UBE2L3: variants seen among roughly 807,000 people sequenced by gnomAD.
The protein encoded by UBE2L3 is ubiquitin-conjugating enzyme E2 L3.
UBE2L3 carries 1 observed loss-of-function variant against 17.8 expected under a neutral mutation model. The observed-to-expected ratio is 0.06, with a 90% CI of 0.02 to 0.27. UBE2L3 has a LOEUF of 0.27. Among genes scored for constraint, UBE2L3 ranks in the 10% least tolerant of loss-of-function variants. The pLI is 1.00. For missense variants in UBE2L3, 40 were observed against 192.6 expected (o/e 0.21, Z 4.69); for synonymous variants, 44 against 68.5 (o/e 0.64, Z 1.76).
chr22:21,621,938 C>A lies in UBE2L3; in HGVS notation c.*269C>A. The A allele has an allele frequency of 2.7e-6, 1 of 374,344 alleles. No homozygotes were observed. Among genetic ancestry groups the A allele is most frequent in the Non-Finnish European group, 4.7e-6 (1 of 210,986 alleles). The allele number at this position is 374,344 out of a possible 1,614,324, so 23.2% of individuals were successfully genotyped here. The stretch of plus-strand genomic sequence containing the variant: ...ACTTCAAAAGAATGGTGTTTCTTTT[C>A]TTGTCCAATTTTATCCAAAATCTTC... On this transcript the variant is annotated 3_prime_UTR_variant, in exon 4 of 4. Transcript: ENST00000342192.
At chr22:21,559,241 G>A (rs1350448889) in intron 1 of UBE2L3, among the ~76,000 whole-genome samples, 56 of 152,274 alleles carry the variant, frequency 3.7e-4, no homozygotes, top group African/African-American at 1.2e-3. Flanking sequence ...CCAGCTACTC[G>A]GGAGGCTGAG....
chr22:21,578,974 TTTATTTATTTATTTA>T (rs1927475680), intron 1 of UBE2L3, among the ~76,000 whole-genome samples: 2 of 145,390 alleles, frequency 1.4e-5, no homozygotes, highest in Non-Finnish European at 3.0e-5. Flanking sequence ...TATTTATTTA[TTTATTTATTTATTTA>T]TTTATTTATT....
At chr22:21,578,962 A>ATTATTTATTTAT (rs201411923) in intron 1 of UBE2L3, among the ~76,000 whole-genome samples, 75 of 148,072 alleles carry the variant, frequency 5.1e-4, no homozygotes, top group African/African-American at 1.6e-3. Context: ...AGCTAAGTGT[A>ATTATTTATTTAT]TTATTTATTT....
At chr22:21,579,777 A>C (rs560430918) in intron 1 of UBE2L3, among the ~76,000 whole-genome samples, 3 of 148,406 alleles carry the variant, frequency 2.0e-5, no homozygotes, top group Admixed American at 6.7e-5. Flanking sequence ...TCTCAGGGGG[A>C]AAAAAAAAAG....
chr22:21,621,692 C>T lies in UBE2L3; in HGVS notation c.*23C>T. 1 of 1,576,360 alleles carries T rather than the reference C, an allele frequency of 6.3e-7. No homozygotes were observed. Among genetic ancestry groups the T allele is most frequent in the East Asian group, 2.2e-5 (1 of 44,510 alleles). On this transcript the variant is annotated 3_prime_UTR_variant, in exon 4 of 4. Coordinates refer to ENST00000342192, the MANE Select transcript of UBE2L3 (RefSeq NM_003347.4). Reference sequence around the variant, plus strand: ...TAAAATCTGCCACGATTGGTTCCAGCAAGTGTGAGCAGAGACCCCGTGCAG... The same window carrying T: ...TAAAATCTGCCACGATTGGTTCCAGTAAGTGTGAGCAGAGACCCCGTGCAG...
intron 1 of UBE2L3, among the ~76,000 whole-genome samples, chr22:21,588,292 G>T (rs1019375545): frequency 1.3e-5 from 2 of 151,914 alleles, no homozygotes; most frequent in African/African-American, 4.8e-5. Context: ...ATTTACATTG[G>T]TTTCCTTCAA....
At chr22:21,562,730 C>T (rs1408385509), upstream of UBE2L3, among the ~76,000 whole-genome samples, 1 of 140,968 alleles carries the variant, frequency 7.1e-6, no homozygotes, top group East Asian at 2.2e-4. Context: ...TGTTCTCAAT[C>T]TCCTGACCTC....
In UBE2L3 at chr22:21,623,729, GTC is replaced by G. The variant is rs1436000705; in HGVS notation, c.*2065_*2066del. 6.5e-6 allele frequency: 1 copy of G among 152,894 alleles called. No individual in the cohort carries two copies. Among genetic ancestry groups the G allele is most frequent in the Non-Finnish European group, 1.5e-5 (1 of 68,132 alleles). The allele number at this position is 152,894 out of a possible 1,614,324, so 9.5% of individuals were successfully genotyped here. ...AGGCTTGGCTTTCGAGCCAGTGGGTGTCTCTCCTTTGGGCCTGGGCGGCTTGC... is the reference window on the plus strand; with the variant it reads ...AGGCTTGGCTTTCGAGCCAGTGGGTGTCTCCTTTGGGCCTGGGCGGCTTGC... On this transcript the variant is annotated 3_prime_UTR_variant, in exon 4 of 4. Coordinates refer to ENST00000342192, the MANE Select transcript of UBE2L3 (RefSeq NM_003347.4).
rs1338728565 is a variant in UBE2L3, at chr22:21,622,858, G to C, written c.*1189G>C. ...TCAAGCTCCACTTGAAGCTCACTCA[G>C]TAATATCCTTTCAATGTGTTTTATA... On this transcript the variant is annotated 3_prime_UTR_variant, in exon 4 of 4. Coordinates refer to ENST00000342192, the MANE Select transcript of UBE2L3 (RefSeq NM_003347.4). 1.3e-5 allele frequency: 2 copies of C among 152,780 alleles called. No individual in the cohort carries two copies. Among genetic ancestry groups the C allele is most frequent in the Non-Finnish European group, 2.9e-5 (2 of 68,036 alleles). The allele number at this position is 152,780 out of a possible 1,614,324, so 9.5% of individuals were successfully genotyped here. A position where few individuals can be genotyped will look rare whatever the true frequency, so the allele number is the denominator to read the frequency against.
At chr22:21,574,219 G>A (rs890571270) in intron 1 of UBE2L3, among the ~76,000 whole-genome samples, 1 of 152,192 alleles carries the variant, frequency 6.6e-6, no homozygotes, top group Non-Finnish European at 1.5e-5. Flanking sequence ...TCAGAGCAAA[G>A]CTGTTTAGAG....
intron 1 of UBE2L3, among the ~76,000 whole-genome samples, chr22:21,562,670 CTTT>C (rs131653): frequency 0.013 from 1,365 of 105,180 alleles, 5 homozygotes; most frequent in Middle Eastern, 0.019. Flanking sequence ...CACGCCTGGG[CTTT>C]TTTTTTTTTT....
At chr22:21,579,025 T>G (rs1403011287) in intron 1 of UBE2L3, among the ~76,000 whole-genome samples, 1 of 151,806 alleles carries the variant, frequency 6.6e-6, no homozygotes, top group Non-Finnish European at 1.5e-5. Context: ...AGTTTCACTC[T>G]TGTCACCCAG....
chr22:21,591,519 C>T (rs181341943), intron 1 of UBE2L3, among the ~76,000 whole-genome samples: 2 of 152,206 alleles, frequency 1.3e-5, no homozygotes, highest in Admixed American at 6.5e-5. Flanking sequence ...CTGGGCCGGG[C>T]GCCCAGCACA....
rs560981700 is a variant in UBE2L3, at chr22:21,590,954, T to C, written c.28-1907T>C. 3.1e-4 allele frequency among the ~76,000 whole-genome samples: 47 copies of C among 152,312 alleles called. No homozygotes were observed. In the East Asian group the frequency reaches 8.3e-3, roughly 27 times the overall value. On this transcript the variant is annotated intron_variant, in intron 1 of 3. Coordinates refer to ENST00000342192, the MANE Select transcript of UBE2L3 (RefSeq NM_003347.4). ...GACCAGGGCTTCCTGATCCCTGCCC[T>C]TGTTGAGCTTACATTCTATTTGGAG...
intron 1 of UBE2L3, among the ~76,000 whole-genome samples, chr22:21,582,694 T>C (rs564593271): frequency 6.6e-6 from 1 of 152,056 alleles, no homozygotes; most frequent in South Asian, 2.1e-4. Flanking sequence ...CCCAGTTAAT[T>C]TTTGTATTTT....
In UBE2L3 at chr22:21,611,522, G is replaced by C. The variant is rs141486670; in HGVS notation, c.310+479G>C. On this transcript the variant is annotated intron_variant, in intron 3 of 3. Transcript: ENST00000342192. ...GCCTAGTTGCTCGGGTGATGTGAGG[G>C]GAGGGACAGAGGCAGATGTAAGGGC... Among the ~76,000 whole-genome samples the C allele has an allele frequency of 2.2e-3, 338 of 152,326 alleles. 1 individual carries two copies. Among genetic ancestry groups the C allele is most frequent in the African/African-American group, 7.7e-3 (319 of 41,566 alleles).
intron 1 of UBE2L3, among the ~76,000 whole-genome samples, chr22:21,572,160 C>T (rs911622169): frequency 3.3e-5 from 5 of 151,980 alleles, no homozygotes; most frequent in Admixed American, 6.6e-5. Flanking sequence ...GCAGGCCAGG[C>T]GTGGTGACTC....
At chr22:21,589,356 C>A (rs1928132380) in intron 1 of UBE2L3, among the ~76,000 whole-genome samples, 1 of 150,474 alleles carries the variant, frequency 6.6e-6, no homozygotes, top group African/African-American at 2.4e-5. Context: ...ACCATGTTAG[C>A]CAGGATGGTC....
At chr22:21,557,396 C>T (rs1347489295) in intron 1 of UBE2L3, among the ~76,000 whole-genome samples, 2 of 152,250 alleles carry the variant, frequency 1.3e-5, no homozygotes, top group Non-Finnish European at 2.9e-5. Flanking sequence ...AAACCCAACC[C>T]CCCAAAATAA....
Sources: gnomAD v4.1 joint callset for allele counts (sites outside exome capture counted in the v4.1 genomes callset) on GRCh38, gnomAD v4.1.1 for gene constraint, MANE v1.5 for transcripts, NCBI Gene and HGNC (gene_info 2026-07-23, HGNC 2026-07-21) for gene names.